TNIK: variants seen among roughly 807,000 people sequenced by gnomAD.
TNIK encodes the protein TRAF2 and NCK-interacting protein kinase.
A neutral mutation model predicts 191.3 loss-of-function variants in TNIK; 49 were observed. That is an observed-to-expected ratio of 0.26 (90% CI 0.20 to 0.32). The LOEUF (loss-of-function observed/expected upper bound fraction) is 0.32. Ranked by LOEUF, TNIK falls within the 10% of genes least tolerant of loss-of-function variation. TNIK has a pLI of 1.00. For synonymous variants in TNIK, 594 were observed against 600.9 expected (o/e 0.99, Z 0.17); for missense variants, 1,155 against 1,702.3 (o/e 0.68, Z 5.66).
chr3:171,419,743 C>T (rs1002141691), intron 1 of TNIK, among the ~76,000 whole-genome samples: 2 of 152,188 alleles, frequency 1.3e-5, no homozygotes, highest in Admixed American at 6.5e-5. Context: ...GCACAGTGCC[C>T]GACAAGTATC....
At chr3:171,168,328 C>T (rs938961828) in intron 9 of TNIK, among the ~76,000 whole-genome samples, 3 of 152,174 alleles carry the variant, frequency 2.0e-5, no homozygotes, top group Admixed American at 2.0e-4. Flanking sequence ...CTGTTTTGTG[C>T]TCTCTGTTGC....
chr3:171,358,824 A>G (rs1468821197), intron 2 of TNIK, among the ~76,000 whole-genome samples: 4 of 152,198 alleles, frequency 2.6e-5, no homozygotes, highest in African/African-American at 9.6e-5. Context: ...ACAGACATGC[A>G]GACCCATTTC....
intron 1 of TNIK, among the ~76,000 whole-genome samples, chr3:171,423,022 T>G (rs1724032728): frequency 6.6e-6 from 1 of 152,238 alleles, no homozygotes; most frequent in South Asian, 2.1e-4. Flanking sequence ...TTAGACAATG[T>G]GCAAATGAGT....
intron 2 of TNIK, among the ~76,000 whole-genome samples, chr3:171,245,932 G>A (rs1329919571): frequency 6.6e-6 from 1 of 152,170 alleles, no homozygotes; most frequent in Non-Finnish European, 1.5e-5. Context: ...CAGACAGACA[G>A]ACAGACAGAC....
In TNIK at chr3:171,126,092, C is replaced by T. The variant is rs1339439087; in HGVS notation, c.1833G>A (p.Val611=). 1 of 1,604,608 alleles carries T rather than the reference C, an allele frequency of 6.2e-7. No homozygotes were observed. The highest frequency in any genetic ancestry group is 1.3e-5 in the African/African-American group (1 of 74,502). ...QGPALTASQS[V]HEQPTKGLSG... ...AGAGGCCCTTTGTGGGCTGCTCGTGCACTGACTGGGAGGCGGTCAAGGCAG... is the reference window on the plus strand; with the variant it reads ...AGAGGCCCTTTGTGGGCTGCTCGTGTACTGACTGGGAGGCGGTCAAGGCAG... Residue 611 remains valine (V), a synonymous_variant, in exon 17 of 33, where the codon GTG becomes GTA. Transcript: ENST00000436636.
At chr3:171,290,087 G>T (rs1452915247) in intron 2 of TNIK, among the ~76,000 whole-genome samples, 3 of 152,084 alleles carry the variant, frequency 2.0e-5, no homozygotes, top group Non-Finnish European at 4.4e-5. Context: ...AATGTTTTTA[G>T]GATAGAAGTA....
At chr3:171,388,110 A>G (rs1718978596) in intron 1 of TNIK, among the ~76,000 whole-genome samples, 1 of 152,190 alleles carries the variant, frequency 6.6e-6, no homozygotes, top group Admixed American at 6.5e-5. Flanking sequence ...AACAGCCTGT[A>G]TGTATTTTGG....
At chr3:171,415,697 T>A (rs1170866218) in intron 1 of TNIK, among the ~76,000 whole-genome samples, 3 of 151,724 alleles carry the variant, frequency 2.0e-5, no homozygotes, top group African/African-American at 7.3e-5. Flanking sequence ...TAAAAAAAAA[T>A]TAGCTGGGCA....
At chr3:171,220,269 C>A (rs961408219) in intron 3 of TNIK, among the ~76,000 whole-genome samples, 10 of 152,042 alleles carry the variant, frequency 6.6e-5, no homozygotes, top group Non-Finnish European at 1.5e-4. Context: ...GGAGGGAGAG[C>A]ATTAGGAGAA....
chr3:171,453,504 C>T (rs909332097), intron 1 of TNIK, among the ~76,000 whole-genome samples: 10 of 152,174 alleles, frequency 6.6e-5, no homozygotes, highest in Admixed American at 5.2e-4. Context: ...CGGTGGGAGG[C>T]CCCTCTGAAT....
At chr3:171,179,004 G>T (rs1336223959) in intron 7 of TNIK, among the ~76,000 whole-genome samples, 3 of 152,086 alleles carry the variant, frequency 2.0e-5, no homozygotes, top group Non-Finnish European at 4.4e-5. Flanking sequence ...ATGTGGAGGG[G>T]GTTTTCTAGG....
At chr3:171,273,066 C>A (rs1749315768) in intron 2 of TNIK, among the ~76,000 whole-genome samples, 1 of 152,188 alleles carries the variant, frequency 6.6e-6, no homozygotes, top group Non-Finnish European at 1.5e-5. Flanking sequence ...CAGTGTGGCG[C>A]TCACACAAGT....
chr3:171,117,009 T>C (rs1576867577), intron 18 of TNIK, among the ~76,000 whole-genome samples: 1 of 152,256 alleles, frequency 6.6e-6, no homozygotes, highest in Admixed American at 6.5e-5. Flanking sequence ...CTGTGCTATC[T>C]CCCAGACTTT....
At chr3:171,302,675 G>A (rs1753011088) in intron 2 of TNIK, among the ~76,000 whole-genome samples, 1 of 152,196 alleles carries the variant, frequency 6.6e-6, no homozygotes, top group South Asian at 2.1e-4. Flanking sequence ...TTCATTATAT[G>A]TTTTAAAGGA....
chr3:171,080,700 C>CA (rs1046871704), intron 27 of TNIK, among the ~76,000 whole-genome samples: 3 of 151,348 alleles, frequency 2.0e-5, no homozygotes, highest in African/African-American at 4.9e-5. Context: ...CGGCCTCTCC[C>CA]AAAAAAAATG....
At chr3:171,392,780 A>AAAAG (rs1719726395) in intron 1 of TNIK, among the ~76,000 whole-genome samples, 1 of 145,104 alleles carries the variant, frequency 6.9e-6, no homozygotes, top group Non-Finnish European at 1.6e-5. Context: ...TTCTGTCTCA[A>AAAAG]AAAAAAAAAA....
At chr3:171,190,549 TA>T in intron 6 of TNIK, 147 bp downstream of exon 6, 1 of 606,756 alleles carries the variant, frequency 1.6e-6, no homozygotes. Flanking sequence ...AAATATTTTT[TA>T]AAATAGGCAA....
chr3:171,163,994 C>G (rs74596753), intron 10 of TNIK, among the ~76,000 whole-genome samples: 3,691 of 152,256 alleles, frequency 0.024, 75 homozygotes, highest in South Asian at 0.068. Flanking sequence ...AATATTAGAG[C>G]AAACTAAGTC....
At chr3:171,082,115 T>A in intron 27 of TNIK, 136 bp downstream of exon 27, 1 of 1,206,438 alleles carries the variant, frequency 8.3e-7, no homozygotes, top group Non-Finnish European at 1.1e-6. Context: ...GTGGGCAATC[T>A]CACTCTGGCT....
Sources: gnomAD v4.1 joint callset for allele counts (sites outside exome capture counted in the v4.1 genomes callset) on GRCh38, gnomAD v4.1.1 for gene constraint, MANE v1.5 for transcripts, NCBI Gene and HGNC (gene_info 2026-07-23, HGNC 2026-07-21) for gene names.